The following HEPACAM2 variants were observed in gnomAD, a reference collection of about 807,000 sequenced individuals.
The protein encoded by HEPACAM2 is HEPACAM family member 2.
HEPACAM2 carries 49 observed loss-of-function variants against 49.6 expected under a neutral mutation model. That is an observed-to-expected ratio of 0.99 (90% CI 0.78 to 1.25). The LOEUF (loss-of-function observed/expected upper bound fraction) is 1.25, where lower values mean the gene tolerates loss of function less well. HEPACAM2 is among the 50% of genes most tolerant of loss of function. HEPACAM2 has a pLI of 0.00. For missense variants in HEPACAM2, 525 were observed against 557.2 expected (o/e 0.94, Z 0.58); for synonymous variants, 197 against 202.9 (o/e 0.97, Z 0.25).
At chr7:93,223,402 A>C (rs1794486322) in intron 1 of HEPACAM2, among the ~76,000 whole-genome samples, 1 of 152,150 alleles carries the variant, frequency 6.6e-6, no homozygotes. Context: ...TTATAGGAGG[A>C]AAATTTTATT....
intron 4 of HEPACAM2, among the ~76,000 whole-genome samples, chr7:93,206,177 A>T (rs1373608226): frequency 6.6e-6 from 1 of 152,134 alleles, no homozygotes; most frequent in African/African-American, 2.4e-5. Flanking sequence ...AGCATGAGAA[A>T]CAAGCTGAAG....
intron 1 of HEPACAM2, 151 bp from the exon 2 acceptor site, chr7:93,219,602 A>G: frequency 7.2e-7 from 1 of 1,389,726 alleles, no homozygotes; most frequent in Non-Finnish European, 9.5e-7. Context: ...TTACATATAG[A>G]GGTAAATATT....
At chr7:93,230,605 T>G (rs62466771), upstream of HEPACAM2, among the ~76,000 whole-genome samples, 1,823 of 152,338 alleles carry the variant, frequency 0.012, 16 homozygotes, top group Non-Finnish European at 0.019. Flanking sequence ...AAGAAATGTT[T>G]ATTGACTTGG....
rs67856013 is a variant in HEPACAM2 at position 93,204,324 on chromosome 7, C to CTCTATCTA, written c.1012+4248_1012+4255dup. ...AGATGATTACATTTCCATAAACATT[C>CTCTATCTA]TCTATCTATCTATCTATCTATCTAT... is the stretch of plus-strand genomic sequence containing the variant. On this transcript the variant is annotated intron_variant, in intron 4 of 9. Transcript: ENST00000394468. 8.0e-3 allele frequency among the ~76,000 whole-genome samples: 1,179 copies of CTCTATCTA among 147,648 alleles called. 4 individuals carry two copies. The highest frequency in any genetic ancestry group is 0.014 in the Middle Eastern group (4 of 284).
intron 8 of HEPACAM2, among the ~76,000 whole-genome samples, chr7:93,194,388 C>T (rs1218530322): frequency 6.6e-6 from 1 of 152,166 alleles, no homozygotes; most frequent in Admixed American, 6.6e-5. Flanking sequence ...AGCCACACCT[C>T]AGAGTGGTGC....
At chr7:93,225,856 A>T in intron 1 of HEPACAM2, 1 of 1,116,218 alleles carries the variant, frequency 9.0e-7, no homozygotes, top group Non-Finnish European at 1.2e-6. Flanking sequence ...TTGTGTAGGA[A>T]ATTTTTTTGT....
intron 1 of HEPACAM2, 63 bp downstream of exon 1, chr7:93,226,305 T>C: frequency 1.7e-6 from 2 of 1,188,222 alleles, no homozygotes; most frequent in Non-Finnish European, 2.5e-6. Context: ...ATTTACCTTA[T>C]GTCCACAATT....
intron 4 of HEPACAM2, among the ~76,000 whole-genome samples, chr7:93,200,805 T>TATTC (rs1448611280): frequency 3.9e-5 from 6 of 152,134 alleles, no homozygotes; most frequent in Non-Finnish European, 5.9e-5. Flanking sequence ...CAATCATTCG[T>TATTC]ATTCATTCAT....
At chr7:93,197,217 A>C in intron 7 of HEPACAM2, 24 bp downstream of exon 7, 1 of 1,591,728 alleles carries the variant, frequency 6.3e-7, no homozygotes, top group Non-Finnish European at 8.6e-7. Flanking sequence ...AACTGATAAT[A>C]GCCCTTTTCA....
intron 3 of HEPACAM2, among the ~76,000 whole-genome samples, chr7:93,211,312 C>T (rs1172923844): frequency 6.6e-6 from 1 of 152,000 alleles, no homozygotes; most frequent in Non-Finnish European, 1.5e-5. Context: ...TTAAAGTAAT[C>T]AGGAACTGAA....
chr7:93,203,486 T>G (rs1793947119), intron 4 of HEPACAM2, among the ~76,000 whole-genome samples: 1 of 152,128 alleles, frequency 6.6e-6, no homozygotes, highest in Non-Finnish European at 1.5e-5. Context: ...GGATCACTTC[T>G]GCAGTTCTGG....
chr7:93,215,068 T>A (rs180848201), intron 3 of HEPACAM2, among the ~76,000 whole-genome samples: 204 of 152,280 alleles, frequency 1.3e-3, no homozygotes, highest in African/African-American at 4.6e-3. Flanking sequence ...ATTCTTTCAG[T>A]TTTTTTCATT....
intron 4 of HEPACAM2, among the ~76,000 whole-genome samples, chr7:93,203,246 A>G (rs1193007599): frequency 6.6e-6 from 1 of 152,116 alleles, no homozygotes; most frequent in Non-Finnish European, 1.5e-5. Context: ...CTCTGCTCTC[A>G]ACACTGCTCC....
chr7:93,224,286 AATAAT>A (rs1036014307), intron 1 of HEPACAM2, among the ~76,000 whole-genome samples: 2 of 152,042 alleles, frequency 1.3e-5, no homozygotes, highest in African/African-American at 4.8e-5. Flanking sequence ...CAAAAACAAA[AATAAT>A]AAATAATATA....
At chr7:93,193,153 C>T (rs1028702536) in intron 8 of HEPACAM2, among the ~76,000 whole-genome samples, 1 of 152,102 alleles carries the variant, frequency 6.6e-6, no homozygotes, top group Admixed American at 6.6e-5. Flanking sequence ...ACCTTCACCT[C>T]GAGGGCTCTT....
chr7:93,203,942 C>G (rs1241585664), intron 4 of HEPACAM2, among the ~76,000 whole-genome samples: 3 of 152,120 alleles, frequency 2.0e-5, no homozygotes, highest in African/African-American at 7.2e-5. Flanking sequence ...GCTGGATGCT[C>G]ATGGAGACAT....
At chr7:93,204,368 ATCTATCATCTC>A (rs1480046174) in intron 4 of HEPACAM2, among the ~76,000 whole-genome samples, 18 of 146,838 alleles carry the variant, frequency 1.2e-4, no homozygotes, top group African/African-American at 4.6e-4. Context: ...CTATCTATCT[ATCTATCATCTC>A]TCTGTCTGTC....
chr7:93,208,682 CA>C lies in HEPACAM2; in HGVS notation c.909del (p.Glu304ArgfsTer3). ...IKHGPRLEVA[S>X]EKVAQKTMDY... is the part of the protein sequence containing the mutation. ...TCCATTGTCTTCTGGGCTACTTTCT[CA>C]GATGCAACTTCTAAGCGAGGCCCAT... On this transcript the variant is annotated frameshift_variant, in exon 4 of 10. Transcript: ENST00000394468. LOFTEE classifies it high-confidence loss of function. The C allele has an allele frequency of 1.9e-6, 3 of 1,613,216 alleles. No individual in the cohort carries two copies. Among genetic ancestry groups the C allele is most frequent in the Non-Finnish European group, 2.5e-6 (3 of 1,179,472 alleles).
At position 93,206,735 on chromosome 7, in the gene HEPACAM2, T is replaced by C. The variant is rs149061033; in HGVS notation, c.1012+1845A>G. Among the ~76,000 whole-genome samples, 170 of 152,224 alleles carry C rather than the reference T, an allele frequency of 1.1e-3. 4 individuals are homozygous for C. In the East Asian group the frequency reaches 0.031, roughly 27 times the overall value. On this transcript the variant is annotated intron_variant, in intron 4 of 9. Transcript: ENST00000394468. ...AGCCAAATGAGGTTAGTGGCTATCA[T>C]AATGAACAGTGCATTTTCTTCATAT...
Sources: gnomAD v4.1 joint callset for allele counts (sites outside exome capture counted in the v4.1 genomes callset) on GRCh38, gnomAD v4.1.1 for gene constraint, MANE v1.5 for transcripts, NCBI Gene and HGNC (gene_info 2026-07-23, HGNC 2026-07-21) for gene names.